Variants in ERBB4 observed in about 807,000 individuals in gnomAD.
The protein encoded by ERBB4 is erb-b2 receptor tyrosine kinase 4, also known as receptor tyrosine-protein kinase erbB-4.
Under a neutral mutation model 158.0 loss-of-function variants are expected in ERBB4, and 42 were observed. The observed-to-expected ratio is 0.27, with a 90% CI of 0.21 to 0.34. ERBB4 has a LOEUF of 0.34. Among genes scored for constraint, ERBB4 ranks in the 10% least tolerant of loss-of-function variants. The pLI, the probability that ERBB4 is intolerant of heterozygous loss-of-function variation, is 1.00. For synonymous variants in ERBB4, 583 were observed against 558.7 expected, an observed-to-expected ratio of 1.04 and a Z score of -0.61; for missense variants, 1,333 against 1,624.1, an observed-to-expected ratio of 0.82 and a Z score of 3.08.
chr2:212,033,052 T>C (rs2076937626), intron 2 of ERBB4, among the ~76,000 whole-genome samples: 1 of 151,922 alleles, frequency 6.6e-6, no homozygotes, highest in Admixed American at 6.6e-5. Flanking sequence ...TAACATTGAG[T>C]CTATTCATTT....
At chr2:212,055,762 C>T (rs2077544366) in intron 2 of ERBB4, among the ~76,000 whole-genome samples, 1 of 152,184 alleles carries the variant, frequency 6.6e-6, no homozygotes, top group Non-Finnish European at 1.5e-5. Flanking sequence ...GACATCCACA[C>T]CAAAACCCCA....
intron 2 of ERBB4, among the ~76,000 whole-genome samples, chr2:212,109,423 A>C (rs2125536493): frequency 6.6e-6 from 1 of 152,270 alleles, no homozygotes; most frequent in African/African-American, 2.4e-5. Context: ...AAATATCTGA[A>C]AACAATTACT....
At chr2:211,481,517 C>T (rs1278315649) in intron 20 of ERBB4, among the ~76,000 whole-genome samples, 1 of 151,142 alleles carries the variant, frequency 6.6e-6, no homozygotes, top group Non-Finnish European at 1.5e-5. Context: ...CACACCAGGG[C>T]TGGAAATCTT....
intron 1 of ERBB4, 78 bp from the exon 2 acceptor site, chr2:212,124,981 T>C: frequency 6.6e-7 from 1 of 1,519,216 alleles, no homozygotes; most frequent in Non-Finnish European, 9.1e-7. Context: ...TTCTCAAAAC[T>C]CTCTATTCCA....
intron 3 of ERBB4, among the ~76,000 whole-genome samples, chr2:211,840,916 C>T (rs987127984): frequency 3.3e-5 from 5 of 151,992 alleles, no homozygotes; most frequent in African/African-American, 9.7e-5. Context: ...TTGCCAAATG[C>T]TTTAGACTAA....
chr2:212,181,931 T>G (rs1026048684), intron 1 of ERBB4, among the ~76,000 whole-genome samples: 1 of 151,752 alleles, frequency 6.6e-6, no homozygotes, highest in Non-Finnish European at 1.5e-5. Flanking sequence ...TTAGAAATAC[T>G]TTTGTGAGAT....
chr2:211,946,576 CTTTTTTTTTTTTTTT>C (rs56007115), intron 3 of ERBB4, among the ~76,000 whole-genome samples: 2 of 49,570 alleles, frequency 4.0e-5, no homozygotes, highest in African/African-American at 1.6e-4. Context: ...AATTAGCTCT[CTTTTTTTTTTTTTTT>C]TTTTTTTTTT....
chr2:211,740,622 C>CTTTTTTTTTTTTTT (rs1169540948), intron 5 of ERBB4, among the ~76,000 whole-genome samples: 4 of 90,174 alleles, frequency 4.4e-5, no homozygotes, highest in African/African-American at 9.5e-5. Context: ...TTTTCTTTGT[C>CTTTTTTTTTTTTTT]TTTTTTTTTT....
intron 1 of ERBB4, among the ~76,000 whole-genome samples, chr2:212,480,342 C>A (rs967675467): frequency 6.6e-6 from 1 of 151,942 alleles, no homozygotes; most frequent in East Asian, 1.9e-4. Flanking sequence ...CAAAAAGAGG[C>A]CAGTGTGGCT....
rs571958410 is a variant in ERBB4 at position 212,457,777 on chromosome 2, G to A, written c.82+80672C>T. On this transcript the variant is annotated intron_variant, in intron 1 of 27. Transcript: ENST00000342788. ...GTATTGACTAGAATTAGGCCTATAT[G>A]TGAAATCCAAACACAATATTCTTTT... Among the ~76,000 whole-genome samples, 253 of 152,062 alleles carry A rather than the reference G, an allele frequency of 1.7e-3. 1 individual carries two copies. Among genetic ancestry groups the A allele is most frequent in the African/African-American group, 5.7e-3 (237 of 41,510 alleles).
At position 212,199,529 on chromosome 2, in the gene ERBB4, A is replaced by G. The variant is rs193128249; in HGVS notation, c.83-74626T>C. On this transcript the variant is annotated intron_variant, in intron 1 of 27. Transcript: ENST00000342788. Reference sequence around the variant, plus strand: ...TACGGCTGCAGAGGAAGGAGACTCTAAACCAAATTACTCAGGCTAGAGGTC... The same window carrying G: ...TACGGCTGCAGAGGAAGGAGACTCTGAACCAAATTACTCAGGCTAGAGGTC... 5.4e-4 allele frequency among the ~76,000 whole-genome samples: 83 copies of G among 152,310 alleles called. 2 individuals carry two copies. Among genetic ancestry groups the G allele is most frequent in the Non-Finnish European group, 6.9e-4 (47 of 68,014 alleles).
chr2:211,635,797 C>T (rs1193415946), intron 16 of ERBB4, among the ~76,000 whole-genome samples: 1 of 151,872 alleles, frequency 6.6e-6, no homozygotes. Flanking sequence ...ATGATTCTAC[C>T]TTTTTTTAAA....
chr2:212,151,945 T>A (rs2080887106), intron 1 of ERBB4, among the ~76,000 whole-genome samples: 1 of 152,184 alleles, frequency 6.6e-6, no homozygotes, highest in South Asian at 2.1e-4. Context: ...GTGTTACTAG[T>A]TTTGCAAGTC....
intron 2 of ERBB4, among the ~76,000 whole-genome samples, chr2:212,050,056 A>G (rs2077360139): frequency 6.6e-6 from 1 of 151,906 alleles, no homozygotes; most frequent in Non-Finnish European, 1.5e-5. Context: ...TTACCTTTTG[A>G]AAAAAAATGG....
chr2:212,083,204 G>A (rs1323928083), intron 2 of ERBB4, among the ~76,000 whole-genome samples: 3 of 151,942 alleles, frequency 2.0e-5, no homozygotes, highest in East Asian at 1.9e-4. Context: ...AATGGATAAA[G>A]GGATGCAGTA....
intron 2 of ERBB4, among the ~76,000 whole-genome samples, chr2:212,004,515 A>G (rs542259602): frequency 4.6e-5 from 7 of 152,300 alleles, no homozygotes; most frequent in Middle Eastern, 3.4e-3. Flanking sequence ...TGGGTTTGCA[A>G]TAAGTCTGCC....
intron 1 of ERBB4, among the ~76,000 whole-genome samples, chr2:212,446,553 T>C (rs1446085768): frequency 2.5e-5 from 3 of 118,512 alleles, no homozygotes; most frequent in South Asian, 2.7e-4. Context: ...CTTGTGATCA[T>C]GTAAGTTAAT....
At chr2:211,758,033 A>G (rs1020417463) in intron 4 of ERBB4, among the ~76,000 whole-genome samples, 1 of 152,240 alleles carries the variant, frequency 6.6e-6, no homozygotes, top group Non-Finnish European at 1.5e-5. Context: ...ACCATTTTAC[A>G]GTTAAAAGAA....
intron 1 of ERBB4, among the ~76,000 whole-genome samples, chr2:212,362,775 T>A (rs995449788): frequency 2.0e-5 from 3 of 151,132 alleles, no homozygotes; most frequent in Admixed American, 1.3e-4. Flanking sequence ...AAAACATAAT[T>A]TAAAACACAT....
Sources: gnomAD v4.1 joint callset for allele counts (sites outside exome capture counted in the v4.1 genomes callset) on GRCh38, gnomAD v4.1.1 for gene constraint, MANE v1.5 for transcripts, NCBI Gene and HGNC (gene_info 2026-07-23, HGNC 2026-07-21) for gene names.